RB1: variants seen among roughly 807,000 people sequenced by gnomAD.
The protein encoded by RB1 is RB transcriptional corepressor 1, also known as retinoblastoma-associated protein.
Under a neutral mutation model 135.4 loss-of-function variants are expected in RB1, and 18 were observed. The ratio of observed to expected loss-of-function variants is 0.13; its 90% CI spans 0.09 to 0.20. The LOEUF is 0.20. Ranked by LOEUF, RB1 falls within the 10% of genes least tolerant of loss-of-function variation. The probability of loss-of-function intolerance (pLI) is 1.00; values close to 1 mark genes in which losing one functional copy is unlikely to be tolerated. For synonymous variants in RB1, 365 were observed against 373.2 expected (o/e 0.98, Z 0.25); for missense variants, 868 against 1,110.0 (o/e 0.78, Z 3.10).
At chr13:48,423,649 G>A (rs1419393458) in intron 17 of RB1, among the ~76,000 whole-genome samples, 1 of 152,062 alleles carries the variant, frequency 6.6e-6, no homozygotes, top group Non-Finnish European at 1.5e-5. Context: ...AATTGAAATT[G>A]TACATAACAT....
intron 17 of RB1, among the ~76,000 whole-genome samples, chr13:48,408,242 T>C (rs1948757172): frequency 6.6e-6 from 1 of 151,928 alleles, no homozygotes; most frequent in Admixed American, 6.6e-5. Flanking sequence ...GTGTCTTCAG[T>C]TTAATTTTCT....
At position 48,311,854 on chromosome 13, in the gene RB1, C is replaced by T. The variant is rs144685446; in HGVS notation, c.264+4448C>T. ...CCGAGTAGCTGGGATTATAGGCATGCGCCACCACACCCGGCTAATTTTTGT... is the reference window on the plus strand; with the variant it reads ...CCGAGTAGCTGGGATTATAGGCATGTGCCACCACACCCGGCTAATTTTTGT... On this transcript the variant is annotated intron_variant, in intron 2 of 26. Coordinates refer to ENST00000267163, the MANE Select transcript of RB1 (RefSeq NM_000321.3). Among the ~76,000 whole-genome samples the T allele has an allele frequency of 8.1e-3, 1,230 of 152,236 alleles. 15 individuals carry two copies. The highest frequency in any genetic ancestry group is 0.028 in the African/African-American group (1,176 of 41,520).
At chr13:48,376,296 T>A (rs571061888) in intron 12 of RB1, among the ~76,000 whole-genome samples, 1 of 151,772 alleles carries the variant, frequency 6.6e-6, no homozygotes, top group South Asian at 2.1e-4. Flanking sequence ...AAATCAGGAG[T>A]TCGAGACCAG....
chr13:48,310,942 G>A (rs1298976080), intron 2 of RB1, among the ~76,000 whole-genome samples: 3 of 152,106 alleles, frequency 2.0e-5, no homozygotes, highest in African/African-American at 7.2e-5. Context: ...CATATGAATA[G>A]GACTTTCCAT....
At chr13:48,366,846 C>T (rs1200532129) in intron 9 of RB1, among the ~76,000 whole-genome samples, 2 of 151,976 alleles carry the variant, frequency 1.3e-5, no homozygotes, top group African/African-American at 4.8e-5. Context: ...AGGCTGGGCG[C>T]GGTGGCTCAC....
At position 48,319,978 on chromosome 13, in the gene RB1, T is replaced by C; in HGVS notation, c.264+12572T>C. 2.6e-6 allele frequency: 1 copy of C among 391,018 alleles called. No homozygotes were observed. The highest frequency in any genetic ancestry group is 4.8e-6 in the Non-Finnish European group (1 of 207,976). 24.2% of individuals were successfully genotyped at this position (391,018 alleles called of 1,614,324 possible). On this transcript the variant is annotated intron_variant, in intron 2 of 26. Coordinates refer to ENST00000267163, the MANE Select transcript of RB1 (RefSeq NM_000321.3). This position sits in a 1 kb window ranked among gnomAD's most constrained non-coding sequence, Gnocchi z 5.0. ...TGCCGTGAGATAGTTCTGGCTTACATCTACTGCCACTGCCTGCAGCCCTGG... is the reference window on the plus strand; with the variant it reads ...TGCCGTGAGATAGTTCTGGCTTACACCTACTGCCACTGCCTGCAGCCCTGG...
At chr13:48,328,971 T>C (rs576562318) in intron 2 of RB1, among the ~76,000 whole-genome samples, 1 of 152,200 alleles carries the variant, frequency 6.6e-6, no homozygotes, top group African/African-American at 2.4e-5. Context: ...TTTTCCTTAT[T>C]TATATACATT....
At chr13:48,321,107 G>A (rs1298193009) in intron 2 of RB1, among the ~76,000 whole-genome samples, 2 of 152,088 alleles carry the variant, frequency 1.3e-5, no homozygotes, top group Non-Finnish European at 2.9e-5. Context: ...TTTTGACTCG[G>A]CCAGGCCCCC....
chr13:48,365,981 A>C lies in RB1; in HGVS notation c.939+1010A>C, dbSNP rs4151495. ...ATAGTTTAGAGGTGATGTGATTTCA[A>C]ATCTGAGTAAGCATTACAGATATAG... On this transcript the variant is annotated intron_variant, in intron 9 of 26. Transcript: ENST00000267163. Among the ~76,000 whole-genome samples, 906 of 152,334 alleles carry C rather than the reference A, an allele frequency of 5.9e-3. 12 individuals carry two copies. Among genetic ancestry groups the C allele is most frequent in the African/African-American group, 0.021 (864 of 41,588 alleles).
chr13:48,445,404 G>A (rs1451089084), intron 17 of RB1, among the ~76,000 whole-genome samples: 1 of 152,156 alleles, frequency 6.6e-6, no homozygotes, highest in Non-Finnish European at 1.5e-5. Flanking sequence ...TGGTCTTTCA[G>A]ATTCTGCGTG....
intron 12 of RB1, among the ~76,000 whole-genome samples, chr13:48,374,505 A>G (rs1449842872): frequency 6.6e-6 from 1 of 152,214 alleles, no homozygotes; most frequent in Admixed American, 6.5e-5. Flanking sequence ...ATGTTCCCCC[A>G]GGAATTAGCA....
chr13:48,378,070 A>C (rs533780533), intron 13 of RB1, among the ~76,000 whole-genome samples: 1 of 152,344 alleles, frequency 6.6e-6, no homozygotes, highest in African/African-American at 2.4e-5. Flanking sequence ...GTCGAGTGGC[A>C]AGTGAATGTG....
chr13:48,370,765 T>G (rs2138126552), intron 11 of RB1, among the ~76,000 whole-genome samples: 1 of 152,280 alleles, frequency 6.6e-6, no homozygotes, highest in East Asian at 1.9e-4. Flanking sequence ...CATGACAGAT[T>G]AGATCATTGG....
At chr13:48,311,388 T>G (rs1413252989) in intron 2 of RB1, among the ~76,000 whole-genome samples, 1 of 152,224 alleles carries the variant, frequency 6.6e-6, no homozygotes, top group Admixed American at 6.5e-5. Context: ...TTAGGTGATT[T>G]CATCGTTGTG....
intron 2 of RB1, among the ~76,000 whole-genome samples, chr13:48,308,342 C>A (rs189026897): frequency 6.8e-6 from 1 of 146,222 alleles, no homozygotes; most frequent in East Asian, 1.9e-4. Context: ...ACAGGAAGAC[C>A]CTGTTGCAAA....
chr13:48,384,451 A>T (rs530170461), intron 17 of RB1, among the ~76,000 whole-genome samples: 21 of 152,244 alleles, frequency 1.4e-4, no homozygotes, highest in Middle Eastern at 3.4e-3. Flanking sequence ...ACTTTTTTTT[A>T]AAATTTGAAA....
intron 17 of RB1, among the ~76,000 whole-genome samples, chr13:48,450,832 T>A (rs542278517): frequency 6.6e-6 from 1 of 152,354 alleles, no homozygotes; most frequent in African/African-American, 2.4e-5. Flanking sequence ...GTTTTTCCAT[T>A]TGTTTGTGTC....
chr13:48,307,698 A>G (rs34628526), intron 2 of RB1, among the ~76,000 whole-genome samples: 1 of 46,788 alleles, frequency 2.1e-5, no homozygotes, highest in Non-Finnish European at 6.1e-5. Context: ...CTACTAAAAT[A>G]CAAAAAAAAA....
In RB1 at chr13:48,435,097, G is replaced by T. The variant is rs144040703; in HGVS notation, c.1696-17896G>T. Among the ~76,000 whole-genome samples, 396 of 152,270 alleles carry T rather than the reference G, an allele frequency of 2.6e-3. 1 individual carries two copies. The highest frequency in any genetic ancestry group is 9.1e-3 in the African/African-American group (377 of 41,568). ...GCCTAATGAGTAAAATTGAAGAGTTGTATGGTTATTTTGCATTTTCTTTGA... is the reference window on the plus strand; with the variant it reads ...GCCTAATGAGTAAAATTGAAGAGTTTTATGGTTATTTTGCATTTTCTTTGA... On this transcript the variant is annotated intron_variant, in intron 17 of 26. Coordinates refer to ENST00000267163, the MANE Select transcript of RB1 (RefSeq NM_000321.3).
Sources: allele counts gnomAD v4.1 joint callset (sites outside exome capture counted in the v4.1 genomes callset), GRCh38; gene constraint gnomAD v4.1.1; non-coding constraint Gnocchi (gnomAD v3.1); transcripts MANE v1.5; gene names NCBI Gene and HGNC (gene_info 2026-07-23, HGNC 2026-07-21).